PTPRQ: variants seen among roughly 807,000 people sequenced by gnomAD.
The protein encoded by PTPRQ is phosphatidylinositol phosphatase PTPRQ.
PTPRQ carries 199 observed loss-of-function variants against 246.0 expected under a neutral mutation model. That is an observed-to-expected ratio of 0.81 (90% CI 0.72 to 0.91). The LOEUF (loss-of-function observed/expected upper bound fraction) is 0.91, where lower values mean the gene tolerates loss of function less well. Among genes scored for constraint, PTPRQ ranks in the 40% least tolerant of loss-of-function variants. The pLI is 0.00. For missense variants in PTPRQ, 2,624 were observed against 2,528.4 expected, an observed-to-expected ratio of 1.04 and a Z score of -0.81; for synonymous variants, 869 against 853.2, an observed-to-expected ratio of 1.02 and a Z score of -0.32.
intron 25 of PTPRQ, among the ~76,000 whole-genome samples, chr12:80,564,241 G>A (rs911028321): frequency 6.6e-6 from 1 of 151,886 alleles, no homozygotes; most frequent in African/African-American, 2.4e-5. Context: ...GGCTTTTTTT[G>A]GTCAGTTGGT....
At chr12:80,483,958 G>A (rs1244322998) in intron 8 of PTPRQ, among the ~76,000 whole-genome samples, 2 of 150,766 alleles carry the variant, frequency 1.3e-5, no homozygotes, top group African/African-American at 4.9e-5. Flanking sequence ...AAAATAAATT[G>A]TTTTTGTCTA....
At chr12:80,533,597 G>A (rs1204071009) in intron 17 of PTPRQ, among the ~76,000 whole-genome samples, 4 of 151,812 alleles carry the variant, frequency 2.6e-5, no homozygotes, top group Non-Finnish European at 2.9e-5. Context: ...ACTTTTGTAC[G>A]ATATTTGAAG....
rs551428653 is a variant in PTPRQ, at chr12:80,553,910, A to T, written c.4285+4176A>T. 3.3e-5 allele frequency among the ~76,000 whole-genome samples: 5 copies of T among 152,306 alleles called. No homozygotes were observed. The South Asian group carries it at 1.0e-3, about 32-fold the overall frequency. ...CATTTTACTATCAAAACTTAGCATA[A>T]CGTGGATGGAACTGGAGGACATTAT... is the stretch of plus-strand genomic sequence containing the variant. On this transcript the variant is annotated intron_variant, in intron 25 of 44. Coordinates refer to ENST00000644991, the MANE Select transcript of PTPRQ (RefSeq NM_001145026.2).
intron 38 of PTPRQ, among the ~76,000 whole-genome samples, chr12:80,655,692 A>G (rs11114548): frequency 0.23 from 35,696 of 151,990 alleles, 7,055 homozygotes; most frequent in African/African-American, 0.54. Flanking sequence ...TAAGTAGATT[A>G]TCCTATTGTG....
intron 26 of PTPRQ, among the ~76,000 whole-genome samples, chr12:80,600,246 A>G (rs1199684370): frequency 6.6e-6 from 1 of 151,714 alleles, no homozygotes; most frequent in Non-Finnish European, 1.5e-5. Flanking sequence ...TGATCTTTGA[A>G]TGTCATTTTT....
At chr12:80,557,635 T>G (rs550750293) in intron 25 of PTPRQ, among the ~76,000 whole-genome samples, 3 of 152,132 alleles carry the variant, frequency 2.0e-5, no homozygotes, top group Non-Finnish European at 4.4e-5. Context: ...TTGATGAATG[T>G]ATTTTCTAAC....
chr12:80,656,331 G>A (rs1339536741), intron 38 of PTPRQ, among the ~76,000 whole-genome samples: 2 of 152,052 alleles, frequency 1.3e-5, no homozygotes, highest in Non-Finnish European at 2.9e-5. Context: ...TTTTCTTCAA[G>A]AGGATTATAC....
intron 17 of PTPRQ, among the ~76,000 whole-genome samples, chr12:80,529,416 T>A (rs935218453): frequency 2.6e-5 from 4 of 152,276 alleles, no homozygotes; most frequent in African/African-American, 4.8e-5. Context: ...GAACAAAATA[T>A]CAAATGATAA....
In PTPRQ at chr12:80,588,366, G is replaced by A; in HGVS notation, c.4523G>A (p.Arg1508Lys). ...EETVYGLKKFRWYRFQVAAST... is the reference protein window; with the variant it reads ...EETVYGLKKFKWYRFQVAAST... ...ACAGTATATGGATTAAAGAAATTTA[G>A]ATGGTATAGATTCCAAGTGGCTGCC... Residue 1508 changes from arginine to lysine, a missense_variant, in exon 26 of 45, where the codon AGA becomes AAA. Arg to Lys is a conservative substitution (Grantham distance 26). Coordinates refer to ENST00000644991, the MANE Select transcript of PTPRQ (RefSeq NM_001145026.2). The A allele has an allele frequency of 6.5e-7, 1 of 1,545,474 alleles. No homozygotes were observed. Among genetic ancestry groups the A allele is most frequent in the Non-Finnish European group, 8.7e-7 (1 of 1,143,250 alleles).
chr12:80,479,190 C>G (rs1234942853), intron 8 of PTPRQ, among the ~76,000 whole-genome samples: 1 of 151,142 alleles, frequency 6.6e-6, no homozygotes, highest in Non-Finnish European at 1.5e-5. Flanking sequence ...GGCAGAAACC[C>G]TACAAGCCAG....
intron 25 of PTPRQ, among the ~76,000 whole-genome samples, chr12:80,574,456 A>G (rs1412347369): frequency 6.6e-6 from 1 of 151,212 alleles, no homozygotes; most frequent in Non-Finnish European, 1.5e-5. Context: ...TTTGTTTTCT[A>G]TATGTCCTAT....
intron 27 of PTPRQ, among the ~76,000 whole-genome samples, chr12:80,606,335 T>A (rs1898319646): frequency 6.6e-6 from 1 of 150,936 alleles, no homozygotes; most frequent in African/African-American, 2.4e-5. Flanking sequence ...CAAAGTAAGA[T>A]GACAACCTAA....
At position 80,462,028 on chromosome 12, in the gene PTPRQ, A is replaced by G. The variant is rs1893196975; in HGVS notation, c.910+1126A>G. The G allele has an allele frequency of 5.7e-6, 4 of 701,430 alleles. No individual in the cohort carries two copies. The Admixed American group carries it at 8.0e-5, about 14-fold the overall frequency. 43.5% of individuals were successfully genotyped at this position (701,430 alleles called of 1,614,324 possible). A position where few individuals can be genotyped will look rare whatever the true frequency, so the allele number is the denominator to read the frequency against. On this transcript the variant is annotated intron_variant, in intron 6 of 44. Coordinates refer to ENST00000644991, the MANE Select transcript of PTPRQ (RefSeq NM_001145026.2). ...ACAGTGGATGCAGGTCAGTGCGTGC[A>G]GTGCGCCGTGAGAGAGCCGAAGCAG...
intron 25 of PTPRQ, among the ~76,000 whole-genome samples, chr12:80,582,399 G>A (rs748690533): frequency 6.6e-5 from 10 of 152,104 alleles, no homozygotes; most frequent in Non-Finnish European, 1.0e-4. Context: ...TTCCCCCCTA[G>A]AATCATATGT....
chr12:80,625,557 G>C (rs879438914), intron 33 of PTPRQ, among the ~76,000 whole-genome samples: 1 of 152,038 alleles, frequency 6.6e-6, no homozygotes, highest in Non-Finnish European at 1.5e-5. Flanking sequence ...TTTAAAATTA[G>C]GGGCAAAAGA....
chr12:80,532,308 C>T (rs543560655), intron 17 of PTPRQ, among the ~76,000 whole-genome samples: 5 of 152,050 alleles, frequency 3.3e-5, no homozygotes, highest in South Asian at 2.1e-4. Flanking sequence ...CTTCAGCCTC[C>T]GCCTCCTGAG....
At chr12:80,668,403 A>G (rs1359003249) in intron 39 of PTPRQ, among the ~76,000 whole-genome samples, 1 of 152,006 alleles carries the variant, frequency 6.6e-6, no homozygotes, top group South Asian at 2.1e-4. Context: ...TTGGGTCAGA[A>G]CTCCAGACAG....
At chr12:80,652,670 A>G (rs1900294110) in intron 37 of PTPRQ, 74 bp from the exon 38 acceptor site, 1 of 1,382,294 alleles carries the variant, frequency 7.2e-7, no homozygotes, top group Non-Finnish European at 9.5e-7. Flanking sequence ...TAGGACAAAT[A>G]ACTGTCTTTT....
At position 80,496,254 on chromosome 12, in the gene PTPRQ, G is replaced by A. The variant is rs1398791715; in HGVS notation, c.1995G>A (p.Pro665=). Residue 665 remains proline (P), a synonymous_variant, in exon 14 of 45, where the codon CCG becomes CCA. Transcript: ENST00000644991. ...AATGTTCTTTTCTTCCCCTAGAACC[G>A]GAATCATCACCTCAAGATGTCGAAG... ...DIFVRTSEDE[P]ESSPQDVEVI... 14 of 1,549,656 alleles carry A rather than the reference G, an allele frequency of 9.0e-6. No homozygotes were observed. The highest frequency in any genetic ancestry group is 5.5e-5 in the African/African-American group (4 of 72,836).
Sources: allele counts gnomAD v4.1 joint callset (sites outside exome capture counted in the v4.1 genomes callset), GRCh38; gene constraint gnomAD v4.1.1; transcripts MANE v1.5; gene names NCBI Gene and HGNC (gene_info 2026-07-23, HGNC 2026-07-21).